The following MGST1 variants were observed in gnomAD, a reference collection of about 807,000 sequenced individuals.
MGST1 encodes glutathione S-transferase 12.
Under a neutral mutation model 8.9 loss-of-function variants are expected in MGST1, and 5 were observed. The ratio of observed to expected loss-of-function variants is 0.56; its 90% confidence interval spans 0.29 to 1.19. The LOEUF (loss-of-function observed/expected upper bound fraction) is 1.19, where lower values mean the gene tolerates loss of function less well. Among genes scored for constraint, MGST1 ranks in the 50% most tolerant of loss-of-function variants. MGST1 has a pLI of 0.08. For missense variants in MGST1, 182 were observed against 187.4 expected (o/e 0.97, Z 0.17); for synonymous variants, 54 against 67.8 (o/e 0.80, Z 1.00).
chr12:16,416,887 C>G (rs985533842), intron 1 of MGST1, among the ~76,000 whole-genome samples: 3 of 152,106 alleles, frequency 2.0e-5, no homozygotes, highest in Non-Finnish European at 4.4e-5. Context: ...AATTTGCATT[C>G]CTCATGCCAA....
At chr12:16,570,230 TG>T (rs1378881836) in intron 4 of MGST1, among the ~76,000 whole-genome samples, 1 of 152,182 alleles carries the variant, frequency 6.6e-6, no homozygotes, top group African/African-American at 2.4e-5. Flanking sequence ...AAACTTTTTA[TG>T]TAAGTAATAC....
At chr12:16,432,748 G>T (rs1940950673) in intron 1 of MGST1, among the ~76,000 whole-genome samples, 1 of 139,616 alleles carries the variant, frequency 7.2e-6, no homozygotes, top group Admixed American at 7.2e-5. Flanking sequence ...AGAGAATATT[G>T]TCAGAGTTCT....
chr12:16,549,089 T>C (rs1941892035), intron 4 of MGST1: 1 of 152,132 alleles, frequency 6.6e-6, no homozygotes, highest in African/African-American at 2.4e-5. Flanking sequence ...CTGACAATTA[T>C]AATTTTACAT....
At chr12:16,449,060 A>G (rs963768565) in intron 4 of MGST1, among the ~76,000 whole-genome samples, 2 of 151,952 alleles carry the variant, frequency 1.3e-5, no homozygotes, top group Admixed American at 6.6e-5. Flanking sequence ...GTTGAACTCT[A>G]TGTAACTTTA....
At position 16,544,498 on chromosome 12, in the gene MGST1, T is replaced by C. The variant is rs184178877; in HGVS notation, n.483-45030T>C. Among the ~76,000 whole-genome samples, 56 of 152,162 alleles carry C rather than the reference T, an allele frequency of 3.7e-4. No individual in the cohort carries two copies. In the East Asian group the frequency reaches 0.01, roughly 27 times the overall value. Reference sequence around the variant, plus strand: ...TATTTTCTAAGTAGATAAGATTAAATGTAAATGTAGAGAATTAAGTCAAAC... The same window carrying C: ...TATTTTCTAAGTAGATAAGATTAAACGTAAATGTAGAGAATTAAGTCAAAC... On this transcript the variant is annotated intron_variant and non_coding_transcript_variant, in intron 4 of 4. Transcript: ENST00000538857. This position sits in a 1 kb window ranked among gnomAD's most constrained non-coding sequence, Gnocchi z 4.8.
chr12:16,500,193 C>A lies in MGST1; in HGVS notation n.483-89335C>A, dbSNP rs1941496415. 6.6e-6 allele frequency among the ~76,000 whole-genome samples: 1 copy of A among 152,168 alleles called. No individual in the cohort carries two copies. ...TTCTATCTTAAGACTGTACTTTCCA[C>A]TTAATCTTCTAGCAGGTGCCTTTGT... On this transcript the variant is annotated intron_variant and non_coding_transcript_variant, in intron 4 of 4. Transcript: ENST00000538857. This position sits in a 1 kb window ranked among gnomAD's most constrained non-coding sequence, Gnocchi z 4.3.
chr12:16,493,311 T>C (rs145970535), intron 4 of MGST1, among the ~76,000 whole-genome samples: 1 of 152,196 alleles, frequency 6.6e-6, no homozygotes, highest in Non-Finnish European at 1.5e-5. Context: ...GTTTGTTTTT[T>C]ACGTGCTTGT....
intron 4 of MGST1, among the ~76,000 whole-genome samples, chr12:16,493,223 T>C (rs1052894993): frequency 2.6e-5 from 4 of 152,206 alleles, no homozygotes; most frequent in African/African-American, 9.7e-5. Context: ...CTGAAGCTTC[T>C]ACTTTTATGC....
downstream of MGST1, among the ~76,000 whole-genome samples, chr12:16,440,853 C>G (rs943458386): frequency 1.3e-5 from 2 of 151,724 alleles, no homozygotes; most frequent in Admixed American, 1.3e-4. Flanking sequence ...TATGAGAGTT[C>G]TAGTTTCTCC....
At chr12:16,405,864 G>A (rs1198154175) in intron 1 of MGST1, among the ~76,000 whole-genome samples, 3 of 151,944 alleles carry the variant, frequency 2.0e-5, no homozygotes, top group Admixed American at 6.6e-5. Flanking sequence ...ATTCAACATC[G>A]CTTCATATTA....
chr12:16,389,312 A>G lies in MGST1; in HGVS notation n.778+5708A>G, dbSNP rs1350028999. Among the ~76,000 whole-genome samples, 1 of 152,234 alleles carries G rather than the reference A, an allele frequency of 6.6e-6. No homozygotes were observed. Among genetic ancestry groups the G allele is most frequent in the African/African-American group, 2.4e-5 (1 of 41,462 alleles). The stretch of plus-strand genomic sequence containing the variant: ...TCATTTATTGAGCCAGTTATTTGTA[A>G]TGCAAGAGCACAACTTGCCTAAAAA... On this transcript the variant is annotated intron_variant and non_coding_transcript_variant, in intron 1 of 1. Coordinates refer to the MGST1 transcript ENST00000359720. The surrounding 1 kb of genome is among the most constrained non-coding windows in gnomAD (Gnocchi z 4.6).
At chr12:16,360,477 T>A in intron 3 of MGST1, 1 of 533,890 alleles carries the variant, frequency 1.9e-6, no homozygotes, top group Non-Finnish European at 2.4e-6. Flanking sequence ...ATATGTGACT[T>A]AAAGTCAGTT....
At chr12:16,520,604 T>G (rs1941642244) in intron 4 of MGST1, among the ~76,000 whole-genome samples, 1 of 152,048 alleles carries the variant, frequency 6.6e-6, no homozygotes, top group South Asian at 2.1e-4. Context: ...ATAGGGAGGT[T>G]GGGCCATAGG....
chr12:16,446,373 C>T (rs939402084), intron 4 of MGST1, among the ~76,000 whole-genome samples: 6 of 151,904 alleles, frequency 3.9e-5, no homozygotes, highest in Admixed American at 3.9e-4. Flanking sequence ...GGTCTGAAAC[C>T]TCACTCAGGT....
chr12:16,455,689 A>G (rs909427086), intron 4 of MGST1, among the ~76,000 whole-genome samples: 3 of 151,852 alleles, frequency 2.0e-5, no homozygotes, highest in Non-Finnish European at 4.4e-5. Context: ...GAAATACTTC[A>G]TCATCTATTG....
At chr12:16,374,624 G>T (rs1308842214) in intron 3 of MGST1, among the ~76,000 whole-genome samples, 1 of 152,012 alleles carries the variant, frequency 6.6e-6, no homozygotes, top group Non-Finnish European at 1.5e-5. Context: ...CTAGATAAAT[G>T]TATGAAAGTA....
chr12:16,387,498 C>T (rs866677336), intron 1 of MGST1, among the ~76,000 whole-genome samples: 22 of 152,030 alleles, frequency 1.4e-4, no homozygotes, highest in African/African-American at 5.3e-4. Context: ...CTGCAAGCTC[C>T]ATTCATGATA....
rs1943276911 is a variant in MGST1, at chr12:16,585,128, T to C, written n.483-4400T>C. Among the ~76,000 whole-genome samples the C allele has an allele frequency of 6.6e-6, 1 of 152,110 alleles. No individual in the cohort carries two copies. The highest frequency in any genetic ancestry group is 1.5e-5 in the Non-Finnish European group (1 of 68,034). On this transcript the variant is annotated intron_variant and non_coding_transcript_variant, in intron 4 of 4. Coordinates refer to the MGST1 transcript ENST00000538857. This position sits in a 1 kb window ranked among gnomAD's most constrained non-coding sequence, Gnocchi z 4.7. The stretch of plus-strand genomic sequence containing the variant: ...AGTGTGCTGGAATTAAGTCATGGCT[T>C]CCCCCTTTGGGTGGCGCATGCAAGC...
Position 16,589,128 on chromosome 12 carries a change from C to T in MGST1, n.483-400C>T, listed in dbSNP as rs1434020190. Among the ~76,000 whole-genome samples the T allele has an allele frequency of 5.9e-5, 9 of 151,960 alleles. No individual in the cohort carries two copies. The highest frequency in any genetic ancestry group is 2.0e-4 in the Admixed American group (3 of 15,236). ...CAACCTGACATGCCTCTAAGATCTA[C>T]GAATTAGATGTAACCTCACCCAGTT... On this transcript the variant is annotated intron_variant and non_coding_transcript_variant, in intron 4 of 4. Transcript: ENST00000538857. The surrounding 1 kb of genome is among the most constrained non-coding windows in gnomAD (Gnocchi z 4.2).
Sources: gnomAD v4.1 joint callset for allele counts (sites outside exome capture counted in the v4.1 genomes callset) on GRCh38, gnomAD v4.1.1 for gene constraint, Gnocchi (gnomAD v3.1) non-coding constraint, MANE v1.5 for transcripts, NCBI Gene and HGNC (gene_info 2026-07-23, HGNC 2026-07-21) for gene names.